SMPD3: variants seen among roughly 807,000 people sequenced by gnomAD.
SMPD3 encodes sphingomyelin phosphodiesterase 3.
SMPD3 carries 21 observed loss-of-function variants against 55.7 expected under a neutral mutation model. The ratio of observed to expected loss-of-function variants is 0.38; its 90% CI spans 0.27 to 0.54. The LOEUF (loss-of-function observed/expected upper bound fraction) is 0.54, where lower values mean the gene tolerates loss of function less well. SMPD3 is among the 20% of genes least tolerant of loss of function. The pLI, the probability that SMPD3 is intolerant of heterozygous loss-of-function variation, is 0.80. For synonymous variants in SMPD3, 457 were observed against 404.3 expected, an observed-to-expected ratio of 1.13 and a Z score of -1.56; for missense variants, 842 against 899.6, an observed-to-expected ratio of 0.94 and a Z score of 0.82.
At position 68,408,940 on chromosome 16, in the gene SMPD3, A is replaced by G. The variant is rs779234923; in HGVS notation, c.-268-22281T>C. ...ATCCTGAAGTGGGCTTTGCTTTAGA[A>G]GGATCTGTTGTGCACCCCCACTCCC... On this transcript the variant is annotated intron_variant, in intron 1 of 8. Transcript: ENST00000219334. Among the ~76,000 whole-genome samples, 30 of 152,118 alleles carry G rather than the reference A, an allele frequency of 2.0e-4. 1 individual carries two copies. Among genetic ancestry groups the G allele is most frequent in the Non-Finnish European group, 4.0e-4 (27 of 68,020 alleles).
chr16:68,382,621 G>A (rs532150350), intron 2 of SMPD3, among the ~76,000 whole-genome samples: 55 of 152,304 alleles, frequency 3.6e-4, no homozygotes, highest in African/African-American at 1.3e-3. Flanking sequence ...GTGGTGGTGG[G>A]ACAGAAAGGG....
At chr16:68,416,622 G>A (rs1280747947) in intron 1 of SMPD3, among the ~76,000 whole-genome samples, 1 of 152,240 alleles carries the variant, frequency 6.6e-6, no homozygotes, top group African/African-American at 2.4e-5. Flanking sequence ...TCACCAGGAA[G>A]TAACAATACT....
At chr16:68,435,415 A>G (rs2090514914) in intron 1 of SMPD3, among the ~76,000 whole-genome samples, 1 of 152,220 alleles carries the variant, frequency 6.6e-6, no homozygotes. Flanking sequence ...AATATATTGC[A>G]TATTAAAACT....
Position 68,383,589 on chromosome 16 carries a change from C to A in SMPD3, c.-207+3009G>T, listed in dbSNP as rs186240224. ...CATGGGACTGCTCCTTCTCAGGGCC[C>A]TTGGAGGATCCCTCAGAGCCCCTTC... On this transcript the variant is annotated intron_variant, in intron 2 of 8. Coordinates refer to ENST00000219334, the MANE Select transcript of SMPD3 (RefSeq NM_018667.4). Among the ~76,000 whole-genome samples, 757 of 152,238 alleles carry A rather than the reference C, an allele frequency of 5.0e-3. 1 individual carries two copies. Among genetic ancestry groups the A allele is most frequent in the Middle Eastern group, 0.01 (3 of 294 alleles).
rs1213352530 is a variant in SMPD3, at chr16:68,363,560, C to T, written c.1646-1G>A. The T allele has an allele frequency of 6.2e-7, 1 of 1,613,114 alleles. No homozygotes were observed. ...AGGCCGTTCGTGTCCAGCAGAGTAC[C>T]TGGGGGGGACGAGGGGGTGACAGTG... On this transcript the variant is annotated splice_acceptor_variant, in intron 6 of 8. Coordinates refer to ENST00000219334, the MANE Select transcript of SMPD3 (RefSeq NM_018667.4). LOFTEE classifies it high-confidence loss of function.
intron 3 of SMPD3, chr16:68,369,104 C>T (rs1007256401): frequency 6.6e-6 from 1 of 151,394 alleles, no homozygotes; most frequent in Admixed American, 6.6e-5. Flanking sequence ...GTAATCCCAG[C>T]TACTTGGGAG....
Position 68,371,294 on chromosome 16 carries a change from C to T in SMPD3, c.888G>A (p.Ser296=), listed in dbSNP as rs778727191. ...DGDSGSLGSP[S]ASRESLVKGR... The stretch of plus-strand genomic sequence containing the variant: ...CCTTCACCAGGGACTCCCGGGAGGC[C>T]GAGGGGCTGCCCAGGCTCCCTGAAT... The change falls in exon 3 of 9, where the codon TCG becomes TCA. Residue 296 remains serine, a synonymous_variant. Coordinates refer to ENST00000219334, the MANE Select transcript of SMPD3 (RefSeq NM_018667.4). The T allele has an allele frequency of 2.4e-5, 38 of 1,602,260 alleles. No individual in the cohort carries two copies. The highest frequency in any genetic ancestry group is 1.3e-4 in the South Asian group (12 of 90,772).
At chr16:68,407,374 CCT>C (rs1298311536) in intron 1 of SMPD3, among the ~76,000 whole-genome samples, 6 of 152,164 alleles carry the variant, frequency 3.9e-5, no homozygotes, top group Admixed American at 6.5e-5. Flanking sequence ...TGATCAGTAA[CCT>C]CTTTTGAAAA....
intron 2 of SMPD3, among the ~76,000 whole-genome samples, chr16:68,385,207 C>T (rs1201901988): frequency 2.6e-5 from 4 of 152,158 alleles, no homozygotes; most frequent in Non-Finnish European, 5.9e-5. Flanking sequence ...AAATGGCAGT[C>T]CCTGAGAGGT....
chr16:68,393,565 T>C (rs2090130816), intron 1 of SMPD3, among the ~76,000 whole-genome samples: 1 of 152,154 alleles, frequency 6.6e-6, no homozygotes, highest in Non-Finnish European at 1.5e-5. Flanking sequence ...CATAGACATG[T>C]CCAGACAGAA....
Position 68,361,199 on chromosome 16 carries a change from G to A in SMPD3, c.*7C>T, listed in dbSNP as rs774301260. On this transcript the variant is annotated 3_prime_UTR_variant, in exon 9 of 9. Transcript: ENST00000219334. ...GGGCTGGCAGAGGCCCCGCTGCTCCGGACGGTCTATGCCTCCTCCTCCCCC... is the reference window on the plus strand; with the variant it reads ...GGGCTGGCAGAGGCCCCGCTGCTCCAGACGGTCTATGCCTCCTCCTCCCCC... The A allele has an allele frequency of 5.0e-5, 81 of 1,612,276 alleles. No homozygotes were observed. The highest frequency in any genetic ancestry group is 3.7e-4 in the Admixed American group (22 of 59,928).
In SMPD3 at chr16:68,382,623, C is replaced by T. The variant is rs189139372; in HGVS notation, c.-207+3975G>A. 2.0e-5 allele frequency among the ~76,000 whole-genome samples: 3 copies of T among 152,208 alleles called. No individual in the cohort carries two copies. The East Asian group carries it at 5.8e-4, about 29-fold the overall frequency. Reference sequence around the variant, plus strand: ...GGGAGGAACAGGTGTGGTGGTGGGACAGAAAGGGAACTGAGAGTGGACTCA... The same window carrying T: ...GGGAGGAACAGGTGTGGTGGTGGGATAGAAAGGGAACTGAGAGTGGACTCA... On this transcript the variant is annotated intron_variant, in intron 2 of 8. Coordinates refer to ENST00000219334, the MANE Select transcript of SMPD3 (RefSeq NM_018667.4).
At position 68,371,033 on chromosome 16, in the gene SMPD3, C is replaced by T; in HGVS notation, c.1149G>A (p.Glu383=). The T allele has an allele frequency of 6.2e-7, 1 of 1,614,222 alleles. No individual in the cohort carries two copies. Among genetic ancestry groups the T allele is most frequent in the Non-Finnish European group, 8.5e-7 (1 of 1,180,046 alleles). The change falls in exon 3 of 9, where the codon GAG becomes GAA. Residue 383 remains glutamate (E), a synonymous_variant. Transcript: ENST00000219334. The part of the protein sequence containing the change: ...KLKEQLHGYF[E]YILYDVGVYG... ...AGACCCCGACGTCGTACAGGATGTACTCGAAGTAGCCGTGCAGCTGCTCTT... is the reference window on the plus strand; with the variant it reads ...AGACCCCGACGTCGTACAGGATGTATTCGAAGTAGCCGTGCAGCTGCTCTT...
intron 1 of SMPD3, among the ~76,000 whole-genome samples, chr16:68,437,472 A>G (rs2090532055): frequency 1.3e-5 from 2 of 152,340 alleles, no homozygotes; most frequent in South Asian, 4.1e-4. Context: ...TTATATGTTT[A>G]TAATCACTAA....
chr16:68,385,670 T>TA (rs903259187), intron 2 of SMPD3, among the ~76,000 whole-genome samples: 1 of 152,214 alleles, frequency 6.6e-6, no homozygotes, highest in Non-Finnish European at 1.5e-5. Context: ...AGTGGGCTCT[T>TA]ACAGTAGTCT....
At position 68,371,916 on chromosome 16, in the gene SMPD3, T is replaced by C; in HGVS notation, c.266A>G (p.Gln89Arg). 1.9e-6 allele frequency: 3 copies of C among 1,611,280 alleles called. No homozygotes were observed. The highest frequency in any genetic ancestry group is 2.5e-6 in the Non-Finnish European group (3 of 1,179,534). Residue 89 changes from glutamine (Q) to arginine (R), a missense_variant, in exon 3 of 9, where the codon CAG becomes CGG. Gln to Arg is a conservative substitution (Grantham distance 43). Around this residue, in one of 2 missense-constraint regions of SMPD3, gnomAD observed 193 missense variants for 256.0 expected, o/e 0.75. Transcript: ENST00000219334. The part of the protein sequence containing the change: ...FLGFLFWSPL[Q>R]SARRPYIYSR... ...ATAGATGTAGGGCCGGCGGGCCGAC[T>C]GCAGTGGGGACCAGAAGAGAAAGCC...
intron 1 of SMPD3, among the ~76,000 whole-genome samples, chr16:68,446,972 C>T (rs975248643): frequency 3.3e-5 from 5 of 152,234 alleles, no homozygotes; most frequent in African/African-American, 1.2e-4. Flanking sequence ...CGCCTCCTCC[C>T]TCGGGATTTT....
chr16:68,365,274 A>G (rs976381484), intron 3 of SMPD3, among the ~76,000 whole-genome samples, 182 bp from the exon 4 acceptor site: 1 of 152,182 alleles, frequency 6.6e-6, no homozygotes, highest in Non-Finnish European at 1.5e-5. Context: ...GATCTGGGCC[A>G]GAGGCGGGTG....
intron 1 of SMPD3, among the ~76,000 whole-genome samples, chr16:68,410,102 CT>C (rs2090287293): frequency 6.6e-6 from 1 of 152,238 alleles, no homozygotes; most frequent in Non-Finnish European, 1.5e-5. Context: ...CATGCAGGCC[CT>C]GGTGGGGCAG....
Sources: allele counts gnomAD v4.1 joint callset (sites outside exome capture counted in the v4.1 genomes callset), GRCh38; gene constraint gnomAD v4.1.1; regional missense constraint gnomAD v4.1.1; transcripts MANE v1.5; gene names NCBI Gene and HGNC (gene_info 2026-07-23, HGNC 2026-07-21).